Variants in NFIA observed in about 807,000 individuals in gnomAD.
NFIA encodes the protein nuclear factor 1 A-type.
In NFIA, 8 loss-of-function variants were observed where a neutral mutation model predicts 62.8. The observed-to-expected ratio is 0.13, with a 90% CI of 0.07 to 0.23. The LOEUF (loss-of-function observed/expected upper bound fraction) is 0.23. Ranked by LOEUF, NFIA falls within the 10% of genes least tolerant of loss-of-function variation. NFIA has a pLI of 1.00. For synonymous variants in NFIA, 235 were observed against 238.1 expected (o/e 0.99, Z 0.12); for missense variants, 410 against 642.1 (o/e 0.64, Z 3.91).
intron 2 of NFIA, among the ~76,000 whole-genome samples, chr1:61,179,751 G>A (rs988968899): frequency 6.6e-6 from 1 of 152,180 alleles, no homozygotes; most frequent in African/African-American, 2.4e-5. Flanking sequence ...CCTACTGAGA[G>A]TTGCTAACCC....
At chr1:61,223,695 A>G (rs895419527) in intron 2 of NFIA, among the ~76,000 whole-genome samples, 2 of 152,026 alleles carry the variant, frequency 1.3e-5, no homozygotes, top group Admixed American at 6.6e-5. Context: ...ATAAACAGTA[A>G]TTTTATTTAG....
chr1:61,210,141 C>G (rs1404252430), intron 2 of NFIA, among the ~76,000 whole-genome samples: 1 of 152,102 alleles, frequency 6.6e-6, no homozygotes, highest in Non-Finnish European at 1.5e-5. Flanking sequence ...GACAGAATCA[C>G]GGGGAAGGGT....
At chr1:61,431,944 C>T (rs1046938048) in intron 10 of NFIA, among the ~76,000 whole-genome samples, 1 of 152,170 alleles carries the variant, frequency 6.6e-6, no homozygotes, top group African/African-American at 2.4e-5. Flanking sequence ...AATAGAGCCT[C>T]AACACCTACA....
chr1:61,455,526 TAAA>T lies in NFIA; in HGVS notation c.*208_*210del. 4 of 694,960 alleles carry T rather than the reference TAAA, an allele frequency of 5.8e-6. No homozygotes were observed. Among genetic ancestry groups the T allele is most frequent in the Non-Finnish European group, 9.4e-6 (4 of 424,338 alleles). The allele number at this position is 694,960 out of a possible 1,614,324, so 43.0% of individuals were successfully genotyped here. A position where few individuals can be genotyped will look rare whatever the true frequency, so the allele number is the denominator to read the frequency against. On this transcript the variant is annotated 3_prime_UTR_variant, in exon 11 of 11. Transcript: ENST00000403491. ...TAACCTTTTGGGATTTTTTTTTTTT[TAAA>T]ATACTTTAGGGACTGTTGTAATTTC...
chr1:61,198,336 T>G (rs958858663), intron 2 of NFIA, among the ~76,000 whole-genome samples: 1 of 152,224 alleles, frequency 6.6e-6, no homozygotes, highest in African/African-American at 2.4e-5. Flanking sequence ...GACTTTTAAA[T>G]CATACTTGGT....
intron 3 of NFIA, among the ~76,000 whole-genome samples, chr1:61,318,070 C>T: frequency 6.6e-6 from 1 of 151,830 alleles, no homozygotes; most frequent in East Asian, 1.9e-4. Context: ...CATATAGATC[C>T]CTTTACAAGA....
At chr1:61,093,448 T>G (rs901657885) in intron 2 of NFIA, among the ~76,000 whole-genome samples, 2 of 152,186 alleles carry the variant, frequency 1.3e-5, no homozygotes, top group African/African-American at 4.8e-5. Flanking sequence ...AAGCTCAAGG[T>G]GGATTTTTTG....
At chr1:61,358,862 A>G (rs1310035069) in intron 5 of NFIA, among the ~76,000 whole-genome samples, 1 of 152,204 alleles carries the variant, frequency 6.6e-6, no homozygotes, top group Non-Finnish European at 1.5e-5. Flanking sequence ...GGCAGGAGCT[A>G]GAGCCAGCCG....
In NFIA at chr1:61,082,646, C is replaced by T; in HGVS notation, c.-146C>T. 1 of 1,525,438 alleles carries T rather than the reference C, an allele frequency of 6.6e-7. No individual in the cohort carries two copies. The highest frequency in any genetic ancestry group is 1.2e-5 in the South Asian group (1 of 81,098). The allele number at this position is 1,525,438 out of a possible 1,614,324, so 94.5% of individuals were successfully genotyped here. ...GACTTGGAAATGTGAACGCAAGAAG[C>T]AGGCTTGATTTTTTTTTCTCCCCCC... On this transcript the variant is annotated 5_prime_UTR_variant, in exon 1 of 11. Coordinates refer to ENST00000403491, the MANE Select transcript of NFIA (RefSeq NM_001134673.4).
chr1:61,198,143 G>C (rs935832008), intron 2 of NFIA, among the ~76,000 whole-genome samples: 1 of 152,102 alleles, frequency 6.6e-6, no homozygotes, highest in African/African-American at 2.4e-5. Flanking sequence ...GACATTTTCA[G>C]GCAACTTGTG....
intron 10 of NFIA, among the ~76,000 whole-genome samples, chr1:61,429,437 C>T (rs1667006902): frequency 6.6e-6 from 1 of 152,208 alleles, no homozygotes; most frequent in Admixed American, 6.5e-5. Context: ...TATTATGTTA[C>T]TGCCTTATGA....
At chr1:61,210,622 A>G (rs935246447) in intron 2 of NFIA, among the ~76,000 whole-genome samples, 3 of 152,216 alleles carry the variant, frequency 2.0e-5, no homozygotes, top group South Asian at 4.1e-4. Context: ...ATGCTGAGTC[A>G]TACCTTGTTC....
rs80053291 is a variant in NFIA, at chr1:61,246,501, A to G, written c.560-31019A>G. Reference sequence around the variant, plus strand: ...GCAGAAAGAGAAACAGAACCCCTGCATGACTTCAGATGCAGTATATTAATC... The same window carrying G: ...GCAGAAAGAGAAACAGAACCCCTGCGTGACTTCAGATGCAGTATATTAATC... On this transcript the variant is annotated intron_variant, in intron 2 of 10. Transcript: ENST00000403491. Among the ~76,000 whole-genome samples, 5 of 152,340 alleles carry G rather than the reference A, an allele frequency of 3.3e-5. No homozygotes were observed. In the East Asian group the frequency reaches 9.6e-4, roughly 29 times the overall value.
chr1:61,295,299 A>G (rs1252627712), intron 3 of NFIA, among the ~76,000 whole-genome samples: 1 of 152,176 alleles, frequency 6.6e-6, no homozygotes, highest in Non-Finnish European at 1.5e-5. Flanking sequence ...GATTCAGCAA[A>G]GGGAGGCCAG....
chr1:61,439,434 A>C (rs948528601), intron 10 of NFIA: 1 of 151,516 alleles, frequency 6.6e-6, no homozygotes, highest in Admixed American at 6.6e-5. Context: ...CTCCTTCTAC[A>C]TTATTAATTG....
chr1:61,313,709 A>G (rs1660228712), intron 3 of NFIA, among the ~76,000 whole-genome samples: 1 of 152,160 alleles, frequency 6.6e-6, no homozygotes, highest in African/African-American at 2.4e-5. Context: ...AAAAAAATCT[A>G]TGGTACTTAG....
At chr1:61,173,745 C>T (rs1650135802) in intron 2 of NFIA, among the ~76,000 whole-genome samples, 1 of 152,026 alleles carries the variant, frequency 6.6e-6, no homozygotes, top group African/African-American at 2.4e-5. Flanking sequence ...GAAGATATTC[C>T]TGGGAGAATG....
chr1:61,391,779 A>G (rs944963061), intron 7 of NFIA, among the ~76,000 whole-genome samples: 2 of 152,116 alleles, frequency 1.3e-5, no homozygotes, highest in East Asian at 3.9e-4. Context: ...TCTTTCTCCT[A>G]TCACATCCAC....
intron 10 of NFIA, among the ~76,000 whole-genome samples, chr1:61,435,554 A>C (rs549593343): frequency 1.5e-4 from 23 of 152,228 alleles, no homozygotes; most frequent in Admixed American, 3.3e-4. Flanking sequence ...TAGTCATATC[A>C]TACCTTATTT....
Sources: gnomAD v4.1 joint callset for allele counts (sites outside exome capture counted in the v4.1 genomes callset) on GRCh38, gnomAD v4.1.1 for gene constraint, MANE v1.5 for transcripts, NCBI Gene and HGNC (gene_info 2026-07-23, HGNC 2026-07-21) for gene names.